Variants in MAU2 observed in about 807,000 individuals in gnomAD.
MAU2 encodes the protein MAU2 chromatid cohesion factor homolog.
A neutral mutation model predicts 89.1 loss-of-function variants in MAU2; 9 were observed. The ratio of observed to expected loss-of-function variants is 0.10; its 90% CI spans 0.06 to 0.18. The LOEUF (loss-of-function observed/expected upper bound fraction) is 0.18, where lower values mean the gene tolerates loss of function less well. Among genes scored for constraint, MAU2 ranks in the 10% least tolerant of loss-of-function variants. The pLI, the probability that MAU2 is intolerant of heterozygous loss-of-function variation, is 1.00. For synonymous variants in MAU2, 357 were observed against 343.4 expected, an observed-to-expected ratio of 1.04 and a Z score of -0.44; for missense variants, 425 against 803.5, an observed-to-expected ratio of 0.53 and a Z score of 5.69.
intron 1 of MAU2, chr19:19,321,387 A>C (rs974788235): frequency 4.4e-6 from 2 of 457,184 alleles, no homozygotes; most frequent in African/African-American, 4.2e-5. Flanking sequence ...CCGTCACCGT[A>C]CTCTGAAAGT....
At chr19:19,354,183 C>T (rs2048151203) in intron 16 of MAU2, 172 bp from the exon 17 acceptor site, 2 of 631,536 alleles carry the variant, frequency 3.2e-6, no homozygotes, top group Non-Finnish European at 2.9e-6. Context: ...TCAGAGAGGG[C>T]CATTTGAGAT....
At chr19:19,349,088 C>G (rs1170818786) in intron 14 of MAU2, 67 bp from the exon 15 acceptor site, 1 of 1,587,980 alleles carries the variant, frequency 6.3e-7, no homozygotes, top group Non-Finnish European at 8.6e-7. Flanking sequence ...CCCCAGCTGC[C>G]CACTGCCGTT....
chr19:19,341,529 G>A lies in MAU2; in HGVS notation c.735+122G>A, dbSNP rs115966380. 2.1e-3 allele frequency: 2,558 copies of A among 1,203,494 alleles called. 46 individuals are homozygous for A. The African/African-American group carries it at 0.032, about 15-fold the overall frequency. 74.6% of individuals were successfully genotyped at this position (1,203,494 alleles called of 1,614,324 possible). ...TCGCCTTACCTTGCCACACAACAGG[G>A]CTGTCATACCAGTCCCGGACACACA... On this transcript the variant is annotated intron_variant, in intron 7 of 18. Transcript: ENST00000262815.
intron 14 of MAU2, 56 bp from the exon 15 acceptor site, chr19:19,349,099 T>C (rs2061720331): frequency 3.7e-6 from 6 of 1,606,024 alleles, no homozygotes; most frequent in East Asian, 2.2e-5. Context: ...CACTGCCGTT[T>C]TGTAAACCTG....
chr19:19,346,718 G>A (rs1471415730), intron 12 of MAU2, among the ~76,000 whole-genome samples: 2 of 152,130 alleles, frequency 1.3e-5, no homozygotes, highest in South Asian at 2.1e-4. Context: ...CTCTCTTGAC[G>A]AACGATCTCA....
intron 1 of MAU2, chr19:19,321,532 C>G (rs539946657): frequency 5.9e-6 from 1 of 168,892 alleles, no homozygotes; most frequent in East Asian, 1.7e-4. Context: ...AGCATCAGCC[C>G]CAAACGCTTC....
intron 1 of MAU2, among the ~76,000 whole-genome samples, chr19:19,322,467 C>T (rs1489113821): frequency 6.6e-6 from 1 of 152,178 alleles, no homozygotes. Flanking sequence ...GGCGTACTGA[C>T]GCGGGCCTGT....
At chr19:19,340,900 T>C in intron 6 of MAU2, 27 bp downstream of exon 6, 1 of 1,612,756 alleles carries the variant, frequency 6.2e-7, no homozygotes, top group Non-Finnish European at 8.5e-7. Context: ...CATGGCTGGA[T>C]GCAGCTGGTG....
chr19:19,336,876 A>G (rs2061600728), intron 3 of MAU2, among the ~76,000 whole-genome samples: 5 of 152,220 alleles, frequency 3.3e-5, no homozygotes. Flanking sequence ...TGAGAACATA[A>G]AAGAAGGGAA....
Position 19,345,457 on chromosome 19 carries a change from C to T in MAU2, c.1221+88C>T, listed in dbSNP as rs949400807. On this transcript the variant is annotated intron_variant, in intron 12 of 18. Transcript: ENST00000262815. This position sits in a 1 kb window ranked among gnomAD's most constrained non-coding sequence, Gnocchi z 4.9. ...TGGTCTGTGATGAGGACAGCAGTCGCGCTAGGTCAGCTATGCAAAGCCGCA... is the reference window on the plus strand; with the variant it reads ...TGGTCTGTGATGAGGACAGCAGTCGTGCTAGGTCAGCTATGCAAAGCCGCA... 16 of 1,300,096 alleles carry T rather than the reference C, an allele frequency of 1.2e-5. No individual in the cohort carries two copies. The highest frequency in any genetic ancestry group is 1.8e-4 in the Middle Eastern group (1 of 5,474). The allele number at this position is 1,300,096 out of a possible 1,614,324, so 80.5% of individuals were successfully genotyped here. A position where few individuals can be genotyped will look rare whatever the true frequency, so the allele number is the denominator to read the frequency against.
chr19:19,332,808 G>A (rs1031409764), intron 1 of MAU2, among the ~76,000 whole-genome samples: 8 of 152,164 alleles, frequency 5.3e-5, no homozygotes, highest in East Asian at 1.9e-4. Context: ...CAGCCGCTGC[G>A]GCTCACGCCT....
chr19:19,335,254 T>C (rs562727297), intron 1 of MAU2, among the ~76,000 whole-genome samples: 1 of 152,344 alleles, frequency 6.6e-6, no homozygotes, highest in East Asian at 1.9e-4. Flanking sequence ...TCAGAAGGAC[T>C]AACCTTGCCC....
At chr19:19,326,709 TA>T (rs1315788359) in intron 1 of MAU2, among the ~76,000 whole-genome samples, 4 of 119,804 alleles carry the variant, frequency 3.3e-5, no homozygotes, top group Non-Finnish European at 6.9e-5. Flanking sequence ...TATGTATATA[TA>T]TATATATATA....
chr19:19,343,995 A>C, intron 10 of MAU2, 55 bp downstream of exon 10: 3 of 1,428,050 alleles, frequency 2.1e-6, no homozygotes, highest in South Asian at 2.3e-5. Flanking sequence ...GGGTCTCAGC[A>C]GTGTCAGACA....
intron 5 of MAU2, among the ~76,000 whole-genome samples, chr19:19,340,164 CAA>C (rs1253222446): frequency 4.8e-5 from 4 of 83,950 alleles, no homozygotes; most frequent in Admixed American, 2.7e-4. Flanking sequence ...GACTCCATCT[CAA>C]AAAAAAAAAA....
intron 16 of MAU2, among the ~76,000 whole-genome samples, chr19:19,351,497 G>A (rs2061744384): frequency 6.6e-6 from 1 of 151,042 alleles, no homozygotes; most frequent in Non-Finnish European, 1.5e-5. Flanking sequence ...TAGTAGATCT[G>A]AGATCCCATC....
chr19:19,329,724 A>G (rs2061539426), intron 1 of MAU2, among the ~76,000 whole-genome samples: 1 of 151,924 alleles, frequency 6.6e-6, no homozygotes, highest in Non-Finnish European at 1.5e-5. Context: ...CTGTTATCCT[A>G]GCACTTTGGG....
At chr19:19,342,009 T>C (rs2061652472) in intron 7 of MAU2, among the ~76,000 whole-genome samples, 1 of 152,130 alleles carries the variant, frequency 6.6e-6, no homozygotes, top group Non-Finnish European at 1.5e-5. Flanking sequence ...GCCCAGTTCG[T>C]CCATCCATAC....
intron 1 of MAU2, chr19:19,329,044 C>T (rs1036395163): frequency 1.8e-5 from 8 of 455,920 alleles, no homozygotes; most frequent in Admixed American, 4.7e-5. Context: ...CTTAATTCTG[C>T]ATCCAGGTTT....
Sources: gnomAD v4.1 joint callset for allele counts (sites outside exome capture counted in the v4.1 genomes callset) on GRCh38, gnomAD v4.1.1 for gene constraint, Gnocchi (gnomAD v3.1) non-coding constraint, MANE v1.5 for transcripts, NCBI Gene and HGNC (gene_info 2026-07-23, HGNC 2026-07-21) for gene names.